The following IRAK2 variants were observed in gnomAD, a reference collection of about 807,000 sequenced individuals.
IRAK2 encodes the protein interleukin 1 receptor associated kinase 2, also known as interleukin-1 receptor-associated kinase-like 2.
A neutral mutation model predicts 72.0 loss-of-function variants in IRAK2; 57 were observed. The ratio of observed to expected loss-of-function variants is 0.79; its 90% confidence interval spans 0.64 to 0.99. The LOEUF is 0.99. Among genes scored for constraint, IRAK2 ranks in the 50% least tolerant of loss-of-function variants. The probability of loss-of-function intolerance (pLI) is 0.00; values close to 1 mark genes in which losing one functional copy is unlikely to be tolerated. For synonymous variants in IRAK2, 293 were observed against 312.7 expected (o/e 0.94, Z 0.67); for missense variants, 790 against 794.4 (o/e 0.99, Z 0.07).
chr3:10,234,456 CAGA>C lies in IRAK2; in HGVS notation c.1273_1275del (p.Lys425del). 6.2e-7 allele frequency: 1 copy of C among 1,613,266 alleles called. No individual in the cohort carries two copies. Among genetic ancestry groups the C allele is most frequent in the South Asian group, 1.1e-5 (1 of 91,064 alleles). Reference sequence around the variant, plus strand: ...AAGGGCGTTTCTACCCTTCTTCCCACAGAAGGACTTACTCCTCAGTGATATTCC... The same window carrying C: ...AAGGGCGTTTCTACCCTTCTTCCCACAGGACTTACTCCTCAGTGATATTCC... On this transcript the variant is annotated splice_acceptor_variant and coding_sequence_variant, in exon 11 of 13. Coordinates refer to ENST00000256458, the MANE Select transcript of IRAK2 (RefSeq NM_001570.4). LOFTEE classifies it high-confidence loss of function.
At chr3:10,217,392 G>C (rs112302968) in intron 7 of IRAK2, among the ~76,000 whole-genome samples, 21 of 152,194 alleles carry the variant, frequency 1.4e-4, no homozygotes, top group African/African-American at 5.1e-4. Context: ...TTCAAATCAA[G>C]AGCAGGACAA....
chr3:10,199,111 G>A (rs1697315574), intron 2 of IRAK2, among the ~76,000 whole-genome samples: 1 of 152,096 alleles, frequency 6.6e-6, no homozygotes, highest in African/African-American at 2.4e-5. Flanking sequence ...GTAAGAAGTA[G>A]CCTGGCAAGG....
chr3:10,177,873 A>C lies in IRAK2; in HGVS notation c.130A>C (p.Lys44Gln). ...GATCACAGACCTGACCCAGCTGCGG[A>C]AGATCAAGTCCATGGAGCGGGTGCA... is the stretch of plus-strand genomic sequence containing the variant. ...YVITDLTQLR[K>Q]IKSMERVQGV... Residue 44 changes from lysine to glutamine, a missense_variant, in exon 2 of 13, where the codon AAG becomes CAG. Physicochemically the swap from Lys to Gln is moderately conservative, Grantham distance 53. Transcript: ENST00000256458. 1 of 1,613,694 alleles carries C rather than the reference A, an allele frequency of 6.2e-7. No homozygotes were observed. Among genetic ancestry groups the C allele is most frequent in the African/African-American group, 1.3e-5 (1 of 75,062 alleles).
chr3:10,182,740 T>A (rs187622998), intron 2 of IRAK2, among the ~76,000 whole-genome samples: 79 of 151,700 alleles, frequency 5.2e-4, no homozygotes, highest in African/African-American at 1.7e-3. Flanking sequence ...TTTTTTGTTA[T>A]CTCTATAGTA....
chr3:10,170,112 G>A (rs920270746), intron 1 of IRAK2, among the ~76,000 whole-genome samples: 12 of 152,130 alleles, frequency 7.9e-5, no homozygotes, highest in African/African-American at 2.4e-4. Flanking sequence ...GGGAGGAGTC[G>A]GTCTCCTGGC....
In IRAK2 at chr3:10,164,926, C is replaced by T. The variant is rs745812166; in HGVS notation, c.-29C>T. ...GCCCGCAGTGTCCGACCCAGTCGTC[C>T]CGCGCCGGAGCCGGCCCCGTAGCGT... On this transcript the variant is annotated 5_prime_UTR_variant, in exon 1 of 13. Coordinates refer to ENST00000256458, the MANE Select transcript of IRAK2 (RefSeq NM_001570.4). 1.9e-6 allele frequency: 3 copies of T among 1,559,592 alleles called. No individual in the cohort carries two copies. The highest frequency in any genetic ancestry group is 2.6e-6 in the Non-Finnish European group (3 of 1,146,398).
intron 2 of IRAK2, among the ~76,000 whole-genome samples, chr3:10,198,185 C>T (rs200745106): frequency 7.9e-5 from 12 of 151,952 alleles, no homozygotes; most frequent in Admixed American, 3.3e-4. Context: ...GGCGACAGAG[C>T]GAGACTCCGT....
intron 2 of IRAK2, among the ~76,000 whole-genome samples, chr3:10,183,296 T>C (rs1041268805): frequency 6.6e-6 from 1 of 152,204 alleles, no homozygotes; most frequent in Non-Finnish European, 1.5e-5. Flanking sequence ...TCTTGAAATG[T>C]GAACTGCAGT....
chr3:10,185,166 T>G (rs983282266), intron 2 of IRAK2, among the ~76,000 whole-genome samples: 2 of 151,672 alleles, frequency 1.3e-5, no homozygotes, highest in East Asian at 3.9e-4. Flanking sequence ...CGCAAATTAT[T>G]GGGCCCCACC....
intron 10 of IRAK2, among the ~76,000 whole-genome samples, chr3:10,229,403 T>G (rs977191156): frequency 1.3e-5 from 2 of 152,198 alleles, no homozygotes; most frequent in South Asian, 4.1e-4. Context: ...GTGTGAGCCA[T>G]GGCGCCCAGC....
chr3:10,179,119 T>G (rs1017662985), intron 2 of IRAK2, among the ~76,000 whole-genome samples: 3 of 152,134 alleles, frequency 2.0e-5, no homozygotes, highest in African/African-American at 7.2e-5. Context: ...TAGCACATCA[T>G]GTATTGTGAA....
At chr3:10,234,727 C>T in intron 11 of IRAK2, 68 bp downstream of exon 11, 1 of 1,365,084 alleles carries the variant, frequency 7.3e-7, no homozygotes, top group Non-Finnish European at 1.0e-6. Context: ...GGGACGGCCC[C>T]TTCGCAGAGG....
At position 10,164,937 on chromosome 3, in the gene IRAK2, CCGGCCCCGTAG is replaced by C; in HGVS notation, c.-15_-5del. On this transcript the variant is annotated 5_prime_UTR_variant, in exon 1 of 13. Coordinates refer to ENST00000256458, the MANE Select transcript of IRAK2 (RefSeq NM_001570.4). ...CCGACCCAGTCGTCCCGCGCCGGAGCCGGCCCCGTAGCGTGCCATGGCCTGCTACATCTACC... is the reference window on the plus strand; with the variant it reads ...CCGACCCAGTCGTCCCGCGCCGGAGCCGTGCCATGGCCTGCTACATCTACC... The C allele has an allele frequency of 1.3e-6, 2 of 1,589,276 alleles. No individual in the cohort carries two copies. Among genetic ancestry groups the C allele is most frequent in the Non-Finnish European group, 8.6e-7 (1 of 1,167,262 alleles).
chr3:10,165,111 G>C, intron 1 of IRAK2, 63 bp downstream of exon 1: 1 of 1,446,616 alleles, frequency 6.9e-7, no homozygotes, highest in Non-Finnish European at 9.5e-7. Context: ...ATCCCGCCTG[G>C]AGCGGCCGCC....
chr3:10,165,822 C>T (rs1696677628), intron 1 of IRAK2, among the ~76,000 whole-genome samples: 2 of 149,590 alleles, frequency 1.3e-5, no homozygotes, highest in South Asian at 2.1e-4. Context: ...GCTCCGCCTC[C>T]CGGGTTCACG....
intron 3 of IRAK2, among the ~76,000 whole-genome samples, chr3:10,201,518 G>A (rs1661519360): frequency 6.6e-6 from 1 of 152,248 alleles, no homozygotes; most frequent in African/African-American, 2.4e-5. Context: ...CACACAAATA[G>A]GAAGTAATGT....
chr3:10,213,704 G>A (rs1017520468), intron 6 of IRAK2, among the ~76,000 whole-genome samples, 156 bp downstream of exon 6: 3 of 152,104 alleles, frequency 2.0e-5, no homozygotes, highest in African/African-American at 7.2e-5. Flanking sequence ...TTATTTTACA[G>A]ATGGGTAAAT....
At chr3:10,198,509 CTGT>C (rs1217459810) in intron 2 of IRAK2, among the ~76,000 whole-genome samples, 7 of 152,222 alleles carry the variant, frequency 4.6e-5, no homozygotes, top group African/African-American at 1.7e-4. Context: ...CCAGGTTTGA[CTGT>C]TGTTGGCTGT....
intron 2 of IRAK2, among the ~76,000 whole-genome samples, chr3:10,196,053 G>A (rs1006644243): frequency 6.6e-6 from 1 of 152,182 alleles, no homozygotes; most frequent in Non-Finnish European, 1.5e-5. Flanking sequence ...TTCCAGACCC[G>A]TGCTTGAATC....
Sources: allele counts gnomAD v4.1 joint callset (sites outside exome capture counted in the v4.1 genomes callset), GRCh38; gene constraint gnomAD v4.1.1; transcripts MANE v1.5; gene names NCBI Gene and HGNC (gene_info 2026-07-23, HGNC 2026-07-21).